Variants in LITAF observed in about 807,000 individuals in gnomAD.
LITAF encodes the protein lipopolysaccharide induced TNF factor, also known as lipopolysaccharide-induced tumor necrosis factor-alpha factor.
A neutral mutation model predicts 14.5 loss-of-function variants in LITAF; 9 were observed. The observed-to-expected ratio is 0.62, with a 90% CI of 0.37 to 1.08. The LOEUF is 1.08. Among genes scored for constraint, LITAF ranks in the 50% least tolerant of loss-of-function variants. The pLI is 0.01. For missense variants in LITAF, 206 were observed against 213.4 expected (o/e 0.97, Z 0.22); for synonymous variants, 98 against 88.2 (o/e 1.11, Z -0.62).
intron 1 of LITAF, among the ~76,000 whole-genome samples, chr16:11,579,506 A>G (rs2064700216): frequency 7.4e-6 from 1 of 135,844 alleles, no homozygotes; most frequent in African/African-American, 2.7e-5. Flanking sequence ...AAATAAAATA[A>G]AATAAAATAA....
chr16:11,624,513 A>C (rs139867697), intron 3 of LITAF, among the ~76,000 whole-genome samples: 1 of 152,192 alleles, frequency 6.6e-6, no homozygotes, highest in Admixed American at 6.5e-5. Flanking sequence ...TTCAAAAATA[A>C]CAAATGCCTA....
chr16:11,593,600 A>C (rs1231305926), intron 1 of LITAF, among the ~76,000 whole-genome samples: 1 of 152,218 alleles, frequency 6.6e-6, no homozygotes. Flanking sequence ...TCAGTGAATG[A>C]ATGGACAGAC....
chr16:11,590,113 C>T (rs138768644), upstream of LITAF, among the ~76,000 whole-genome samples: 1,830 of 81,470 alleles, frequency 0.022, 548 homozygotes, highest in East Asian at 0.32. Context: ...GGCAACATAG[C>T]GAGACCCCAT....
In LITAF at chr16:11,605,050, C is replaced by A. The variant is rs1253648420; in HGVS notation, c.85+28483G>T. 6.6e-6 allele frequency among the ~76,000 whole-genome samples: 1 copy of A among 152,180 alleles called. No individual in the cohort carries two copies. Among genetic ancestry groups the A allele is most frequent in the African/African-American group, 2.4e-5 (1 of 41,440 alleles). On this transcript the variant is annotated intron_variant, in intron 3 of 3. Transcript: ENST00000574848. This position sits in a 1 kb window ranked among gnomAD's most constrained non-coding sequence, Gnocchi z 4.7. ...TGCCTACTCCAGGAATCGGCCAGGACCACTGCTGGACGTGGGGCACTTGAA... is the reference window on the plus strand; with the variant it reads ...TGCCTACTCCAGGAATCGGCCAGGAACACTGCTGGACGTGGGGCACTTGAA...
chr16:11,587,932 C>T (rs1382305173), upstream of LITAF, among the ~76,000 whole-genome samples: 1 of 152,116 alleles, frequency 6.6e-6, no homozygotes, highest in Non-Finnish European at 1.5e-5. Context: ...CTGGCAAAGA[C>T]CTGGATCTTA....
At chr16:11,617,841 C>T (rs1372619199) in intron 3 of LITAF, among the ~76,000 whole-genome samples, 1 of 151,964 alleles carries the variant, frequency 6.6e-6, no homozygotes, top group East Asian at 1.9e-4. Context: ...CCCTCCGTAA[C>T]CTATTTATTT....
intron 1 of LITAF, among the ~76,000 whole-genome samples, chr16:11,596,452 AGAGGAG>A (rs75949027): frequency 1.2e-5 from 1 of 80,354 alleles, no homozygotes; most frequent in Non-Finnish European, 2.2e-5. Context: ...AAATCCCAAT[AGAGGAG>A]GAGGAGGAGG....
chr16:11,569,470 G>A (rs746202475), intron 1 of LITAF, among the ~76,000 whole-genome samples: 1 of 152,062 alleles, frequency 6.6e-6, no homozygotes, highest in Non-Finnish European at 1.5e-5. Context: ...TCGAACTCCT[G>A]GCCTCAAGTG....
chr16:11,615,064 G>A (rs2065008988), intron 3 of LITAF, among the ~76,000 whole-genome samples: 1 of 152,320 alleles, frequency 6.6e-6, no homozygotes, highest in East Asian at 1.9e-4. Flanking sequence ...TACACACTGG[G>A]AGAATGAATG....
chr16:11,576,037 T>G (rs2064626972), intron 1 of LITAF, among the ~76,000 whole-genome samples: 1 of 152,154 alleles, frequency 6.6e-6, no homozygotes, highest in Non-Finnish European at 1.5e-5. Flanking sequence ...CATGCCACCA[T>G]GATTAGCTAG....
At chr16:11,552,050 A>C (rs912642855) in intron 3 of LITAF, among the ~76,000 whole-genome samples, 5 of 152,158 alleles carry the variant, frequency 3.3e-5, no homozygotes, top group African/African-American at 1.2e-4. Flanking sequence ...CATGACCTCA[A>C]GGAAGTTAAC....
upstream of LITAF, among the ~76,000 whole-genome samples, chr16:11,589,923 C>CAAAGTATGTGGTTCTGGCATAAGAATA (rs2064838117): frequency 3.4e-4 from 40 of 117,400 alleles, 6 homozygotes; most frequent in South Asian, 5.1e-4. Flanking sequence ...CACACCCAGC[C>CAAAGTATGTGGTTCTGGCATAAGAATA]AGTTGCATTT....
rs1387704386 is a variant in LITAF, at chr16:11,558,163, C to T, written c.-5-1428G>A. On this transcript the variant is annotated intron_variant, in intron 1 of 3. Transcript: ENST00000622633. The surrounding 1 kb of genome is among the most constrained non-coding windows in gnomAD (Gnocchi z 4.1). ...TAGAACTCGTGGGAAGCCAAGGCAG[C>T]AATTAATCCCACTGCAGGGAGAAGG... 6.6e-6 allele frequency among the ~76,000 whole-genome samples: 1 copy of T among 152,172 alleles called. No individual in the cohort carries two copies. Among genetic ancestry groups the T allele is most frequent in the East Asian group, 1.9e-4 (1 of 5,196 alleles).
chr16:11,611,461 T>G (rs1157786653), intron 3 of LITAF, among the ~76,000 whole-genome samples: 2 of 152,182 alleles, frequency 1.3e-5, no homozygotes, highest in Non-Finnish European at 2.9e-5. Flanking sequence ...ATTTGTTGTT[T>G]CTCTGACATT....
chr16:11,616,661 C>A (rs1193394833), intron 3 of LITAF, among the ~76,000 whole-genome samples: 1 of 152,048 alleles, frequency 6.6e-6, no homozygotes, highest in Non-Finnish European at 1.5e-5. Context: ...TACCCTCTGG[C>A]CTTTGAACAC....
chr16:11,592,534 C>A (rs4780388), intron 1 of LITAF, among the ~76,000 whole-genome samples: 63,052 of 150,184 alleles, frequency 0.42, 14,318 homozygotes, highest in African/African-American at 0.6. Flanking sequence ...GAGATCATGT[C>A]ACTGCACTCC....
intron 1 of LITAF, among the ~76,000 whole-genome samples, chr16:11,583,583 T>A (rs1206262532): frequency 6.6e-6 from 1 of 152,224 alleles, no homozygotes; most frequent in Non-Finnish European, 1.5e-5. Flanking sequence ...TCTATAAGAT[T>A]ATGCCTTTCT....
At position 11,553,810 on chromosome 16, in the gene LITAF, C is replaced by T; in HGVS notation, c.221-121G>A. 8.6e-7 allele frequency: 1 copy of T among 1,161,542 alleles called. No individual in the cohort carries two copies. The highest frequency in any genetic ancestry group is 1.5e-5 in the African/African-American group (1 of 65,984). 72.0% of individuals were successfully genotyped at this position (1,161,542 alleles called of 1,614,324 possible). A position where few individuals can be genotyped will look rare whatever the true frequency, so the allele number is the denominator to read the frequency against. ...AATATTATATTTGTACATTTGTGTT[C>T]ATAGCATGCGTTCATCGTCTGGCTA... On this transcript the variant is annotated intron_variant, in intron 2 of 3. Transcript: ENST00000622633. This position sits in a 1 kb window ranked among gnomAD's most constrained non-coding sequence, Gnocchi z 7.7.
chr16:11,572,960 ACT>A (rs1255357575), intron 1 of LITAF, among the ~76,000 whole-genome samples: 8 of 141,508 alleles, frequency 5.7e-5, no homozygotes, highest in Admixed American at 2.2e-4. Context: ...ACAGGGTCTC[ACT>A]CTGTCAACCA....
Sources: allele counts gnomAD v4.1 joint callset (sites outside exome capture counted in the v4.1 genomes callset), GRCh38; gene constraint gnomAD v4.1.1; non-coding constraint Gnocchi (gnomAD v3.1); transcripts MANE v1.5; gene names NCBI Gene and HGNC (gene_info 2026-07-23, HGNC 2026-07-21).